ZNF516: variants seen among roughly 807,000 people sequenced by gnomAD.
ZNF516 encodes zinc finger protein 516.
ZNF516 carries 19 observed loss-of-function variants against 79.7 expected under a neutral mutation model. The ratio of observed to expected loss-of-function variants is 0.24; its 90% CI spans 0.17 to 0.35. ZNF516 has a LOEUF of 0.35. ZNF516 is among the 10% of genes least tolerant of loss of function. ZNF516 has a pLI of 1.00. For missense variants in ZNF516, 1,678 were observed against 1,679.5 expected (o/e 1.00, Z 0.02); for synonymous variants, 877 against 739.5 (o/e 1.19, Z -3.02).
At chr18:76,466,092 T>G (rs1310072192) in intron 1 of ZNF516, among the ~76,000 whole-genome samples, 1 of 152,246 alleles carries the variant, frequency 6.6e-6, no homozygotes, top group Non-Finnish European at 1.5e-5. Context: ...TTCTTCCCCC[T>G]ACTTCTAATG....
At chr18:76,426,817 C>G (rs1229963828) in intron 3 of ZNF516, among the ~76,000 whole-genome samples, 1 of 152,238 alleles carries the variant, frequency 6.6e-6, no homozygotes, top group African/African-American at 2.4e-5. Flanking sequence ...GCACCGGCAT[C>G]ATCTCCCAAA....
Position 76,442,493 on chromosome 18 carries a change from CCTT to C in ZNF516, c.559_561del (p.Lys187del), listed in dbSNP as rs1911749756. On this transcript the variant is annotated inframe_deletion, in exon 3 of 7. Coordinates refer to ENST00000443185, the MANE Select transcript of ZNF516 (RefSeq NM_014643.4). ...GCCTGGTGCACGTGCAGCTCCAGGT[CCTT>C]CTTACGCTCGAACTGGCTCTTGCAG... The C allele has an allele frequency of 6.2e-7, 1 of 1,602,686 alleles. No homozygotes were observed. Among genetic ancestry groups the C allele is most frequent in the African/African-American group, 1.3e-5 (1 of 74,936 alleles).
At chr18:76,410,240 C>G (rs2145294722) in intron 3 of ZNF516, among the ~76,000 whole-genome samples, 1 of 152,338 alleles carries the variant, frequency 6.6e-6, no homozygotes, top group Non-Finnish European at 1.5e-5. Flanking sequence ...CTCGCCACAG[C>G]TGGGTTCCTT....
rs2074866328 is a variant in ZNF516, at chr18:76,380,137, C to T, written c.1977G>A (p.Glu659=). Residue 659 remains glutamate (E), a synonymous_variant, in exon 4 of 7, where the codon GAG becomes GAA. Transcript: ENST00000443185. ...TGTGCTGCTCTTGCCTTCTAGAAGTCTCTCTGCTACTGTTTTCAAGTATGG... is the reference window on the plus strand; with the variant it reads ...TGTGCTGCTCTTGCCTTCTAGAAGTTTCTCTGCTACTGTTTTCAAGTATGG... The part of the protein sequence containing the change: ...SVSILENSSR[E]TSRRQEQHRF... 1.2e-6 allele frequency: 2 copies of T among 1,613,968 alleles called. No homozygotes were observed. The highest frequency in any genetic ancestry group is 8.5e-7 in the Non-Finnish European group (1 of 1,179,894).
chr18:76,378,816 C>A, intron 4 of ZNF516, 39 bp downstream of exon 4: 1 of 1,584,214 alleles, frequency 6.3e-7, no homozygotes, highest in South Asian at 1.2e-5. Context: ...TTCTGGGGGT[C>A]ACATGTGGCC....
chr18:76,465,357 G>A (rs1312229164), intron 1 of ZNF516, among the ~76,000 whole-genome samples: 2 of 152,214 alleles, frequency 1.3e-5, no homozygotes, highest in Admixed American at 6.5e-5. Context: ...GACAGCAGAA[G>A]AGGAGAGATT....
intron 2 of ZNF516, among the ~76,000 whole-genome samples, chr18:76,462,105 T>A (rs946882928): frequency 2.6e-5 from 4 of 152,274 alleles, no homozygotes; most frequent in Middle Eastern, 3.4e-3. Context: ...TTTCAAAGTG[T>A]TTCTGCCACA....
intron 3 of ZNF516, among the ~76,000 whole-genome samples, chr18:76,403,117 T>G (rs1040779272): frequency 6.6e-6 from 1 of 152,252 alleles, no homozygotes; most frequent in African/African-American, 2.4e-5. Context: ...ACTATTTCTC[T>G]GTAATTACCC....
chr18:76,397,001 C>T (rs690639), intron 3 of ZNF516, among the ~76,000 whole-genome samples: 105,477 of 152,074 alleles, frequency 0.69, 37,243 homozygotes, highest in African/African-American at 0.84. Context: ...TCCTGAAACA[C>T]AAAAAAATAA....
chr18:76,467,849 G>A lies in ZNF516; in HGVS notation c.-271-4708C>T, dbSNP rs572465580. On this transcript the variant is annotated intron_variant, in intron 1 of 6. Transcript: ENST00000443185. The surrounding 1 kb of genome is among the most constrained non-coding windows in gnomAD (Gnocchi z 4.2). The stretch of plus-strand genomic sequence containing the variant: ...CGAATAACTACATGCATCCCATCCC[G>A]CTCAGGGCAGCTACATATAAGTAAT... Among the ~76,000 whole-genome samples, 10 of 152,150 alleles carry A rather than the reference G, an allele frequency of 6.6e-5. No homozygotes were observed. Among genetic ancestry groups the A allele is most frequent in the East Asian group, 3.9e-4 (2 of 5,190 alleles).
At chr18:76,475,142 C>T (rs1286972011) in intron 1 of ZNF516, among the ~76,000 whole-genome samples, 1 of 152,188 alleles carries the variant, frequency 6.6e-6, no homozygotes, top group Non-Finnish European at 1.5e-5. Context: ...ATATTTGTAA[C>T]TCATCAGCAA....
intron 2 of ZNF516, among the ~76,000 whole-genome samples, chr18:76,461,096 C>T (rs530264083): frequency 1.3e-5 from 2 of 152,280 alleles, no homozygotes; most frequent in East Asian, 1.9e-4. Flanking sequence ...GCAGGACAAT[C>T]GCTTGAACCC....
chr18:76,456,405 A>G (rs1287234177), intron 2 of ZNF516, among the ~76,000 whole-genome samples: 3 of 152,210 alleles, frequency 2.0e-5, no homozygotes, highest in Non-Finnish European at 4.4e-5. Flanking sequence ...ATAACTAAGG[A>G]GACTGTCATC....
chr18:76,442,362 G>T lies in ZNF516; in HGVS notation c.693C>A (p.Ser231Arg), dbSNP rs373631101. Residue 231 changes from serine to arginine, a missense_variant, in exon 3 of 7, where the codon AGC (serine) becomes AGA (arginine). Coordinates refer to ENST00000443185, the MANE Select transcript of ZNF516 (RefSeq NM_014643.4). The stretch of plus-strand genomic sequence containing the variant: ...TGCCGTTCTCCACGCAGGCCTCGCC[G>T]CTGCCGGGCCCCTGCGCGGTGATGT... ...RDHITAQGPGSGEACVENGKP... is the reference protein window; with the variant it reads ...RDHITAQGPGRGEACVENGKP... 4.3e-6 allele frequency: 7 copies of T among 1,609,212 alleles called. No homozygotes were observed. In the South Asian group the frequency reaches 7.7e-5, roughly 18 times the overall value.
At chr18:76,429,785 G>A (rs903167717) in intron 3 of ZNF516, among the ~76,000 whole-genome samples, 3 of 152,180 alleles carry the variant, frequency 2.0e-5, no homozygotes, top group African/African-American at 4.8e-5. Flanking sequence ...AAAATGATGC[G>A]CCGAGCAGTG....
At chr18:76,470,121 T>C (rs1913738525) in intron 1 of ZNF516, among the ~76,000 whole-genome samples, 1 of 152,140 alleles carries the variant, frequency 6.6e-6, no homozygotes, top group Non-Finnish European at 1.5e-5. Flanking sequence ...CCAAAACACA[T>C]TTTTCTAGAT....
intron 1 of ZNF516, chr18:76,491,028 C>T (rs889260399): frequency 7.1e-6 from 7 of 985,358 alleles, no homozygotes; most frequent in Non-Finnish European, 8.4e-6. Context: ...CCAACTCCCA[C>T]CCCAAATCCG....
At chr18:76,466,971 A>AC (rs2145705229) in intron 1 of ZNF516, among the ~76,000 whole-genome samples, 1 of 152,310 alleles carries the variant, frequency 6.6e-6, no homozygotes, top group East Asian at 1.9e-4. Context: ...GGGAAGGACC[A>AC]CCCAGAGGTG....
chr18:76,397,585 C>A (rs2075164515), intron 3 of ZNF516, among the ~76,000 whole-genome samples: 1 of 152,160 alleles, frequency 6.6e-6, no homozygotes, highest in African/African-American at 2.4e-5. Flanking sequence ...ACATAAATAT[C>A]TTAGTACTCT....
Sources: allele counts gnomAD v4.1 joint callset (sites outside exome capture counted in the v4.1 genomes callset), GRCh38; gene constraint gnomAD v4.1.1; non-coding constraint Gnocchi (gnomAD v3.1); transcripts MANE v1.5; gene names NCBI Gene and HGNC (gene_info 2026-07-23, HGNC 2026-07-21).